Variants in HDAC1 observed in about 807,000 individuals in gnomAD.
The protein encoded by HDAC1 is protein deacetylase HDAC1.
HDAC1 carries 18 observed loss-of-function variants against 65.5 expected under a neutral mutation model. The observed-to-expected ratio is 0.27, with a 90% confidence interval of 0.19 to 0.41. The LOEUF is 0.41. Ranked by LOEUF, HDAC1 falls within the 10% of genes least tolerant of loss-of-function variation. HDAC1 has a pLI of 1.00. For synonymous variants in HDAC1, 211 were observed against 227.9 expected (o/e 0.93, Z 0.67); for missense variants, 373 against 625.2 (o/e 0.60, Z 4.30).
At chr1:32,318,991 T>C (rs1305229137) in intron 3 of HDAC1, among the ~76,000 whole-genome samples, 2 of 152,116 alleles carry the variant, frequency 1.3e-5, no homozygotes, top group South Asian at 2.1e-4. Context: ...TGGTGGTACA[T>C]GCCTGTAATT....
chr1:32,315,014 C>T (rs1288241472), intron 2 of HDAC1, among the ~76,000 whole-genome samples: 4 of 152,082 alleles, frequency 2.6e-5, no homozygotes, highest in Non-Finnish European at 4.4e-5. Flanking sequence ...TGCCTATAGT[C>T]ACAATTTCCA....
intron 2 of HDAC1, among the ~76,000 whole-genome samples, chr1:32,305,176 A>T (rs1361345219): frequency 6.6e-6 from 1 of 152,146 alleles, no homozygotes; most frequent in East Asian, 1.9e-4. Flanking sequence ...ACCCATGTTG[A>T]TACCTGTAGC....
intron 12 of HDAC1, 54 bp from the exon 13 acceptor site, chr1:32,332,647 A>G: frequency 3.7e-6 from 5 of 1,337,190 alleles, no homozygotes; most frequent in Non-Finnish European, 5.3e-6. Context: ...TGAAGACCTC[A>G]TGGGTCTTCC....
intron 2 of HDAC1, among the ~76,000 whole-genome samples, chr1:32,312,766 C>G (rs1391724600): frequency 6.6e-6 from 1 of 152,106 alleles, no homozygotes; most frequent in Non-Finnish European, 1.5e-5. Flanking sequence ...ACCTCTGCCT[C>G]CTAAGTTCAA....
At chr1:32,309,289 A>G (rs1374263882) in intron 2 of HDAC1, among the ~76,000 whole-genome samples, 1 of 151,158 alleles carries the variant, frequency 6.6e-6, no homozygotes, top group Non-Finnish European at 1.5e-5. Flanking sequence ...CAGGCTTCTC[A>G]GGGTAGCATT....
intron 2 of HDAC1, among the ~76,000 whole-genome samples, chr1:32,306,479 C>T (rs958586102): frequency 7.2e-5 from 11 of 152,108 alleles, no homozygotes; most frequent in African/African-American, 2.4e-4. Flanking sequence ...CTTTTAGAGA[C>T]AGGGTTTTAC....
rs1382254724 is a variant in HDAC1 at position 32,330,996 on chromosome 1, A to G, written c.979+88A>G. On this transcript the variant is annotated intron_variant, in intron 9 of 13. Coordinates refer to ENST00000373548, the MANE Select transcript of HDAC1 (RefSeq NM_004964.3). The surrounding 1 kb of genome is among the most constrained non-coding windows in gnomAD (Gnocchi z 4.2). ...GTTTATAACCCCTTCCCCGTTGGTC[A>G]TATGACCGCTCCTCTTCTGATACTA... is the stretch of plus-strand genomic sequence containing the variant. 7 of 1,237,194 alleles carry G rather than the reference A, an allele frequency of 5.7e-6. No homozygotes were observed. Among genetic ancestry groups the G allele is most frequent in the South Asian group, 1.3e-5 (1 of 78,772 alleles). The allele number at this position is 1,237,194 out of a possible 1,614,324, so 76.6% of individuals were successfully genotyped here.
intron 2 of HDAC1, among the ~76,000 whole-genome samples, chr1:32,313,184 C>T (rs1641013561): frequency 6.6e-6 from 1 of 151,722 alleles, no homozygotes; most frequent in African/African-American, 2.4e-5. Flanking sequence ...CAGCCTCTGC[C>T]TCCGAGTTCA....
Position 32,329,210 on chromosome 1 carries a change from G to A in HDAC1, c.729+50G>A, listed in dbSNP as rs969392350. ...GGCTACAAACAGGGGATTGGTTGGC[G>A]GTGGAGGGGAGCAAAGCACCCCCAC... On this transcript the variant is annotated intron_variant, in intron 7 of 13. Coordinates refer to ENST00000373548, the MANE Select transcript of HDAC1 (RefSeq NM_004964.3). This position sits in a 1 kb window ranked among gnomAD's most constrained non-coding sequence, Gnocchi z 4.1. The A allele has an allele frequency of 2.7e-6, 3 of 1,125,220 alleles. No homozygotes were observed. The highest frequency in any genetic ancestry group is 4.1e-6 in the Non-Finnish European group (3 of 733,754). The allele number at this position is 1,125,220 out of a possible 1,614,324, so 69.7% of individuals were successfully genotyped here.
At position 32,331,004 on chromosome 1, in the gene HDAC1, GCTC is replaced by G. The variant is rs1474616982; in HGVS notation, c.979+100_979+102del. 1.8e-6 allele frequency: 2 copies of G among 1,105,760 alleles called. No individual in the cohort carries two copies. The highest frequency in any genetic ancestry group is 1.5e-5 in the African/African-American group (1 of 64,848). The allele number at this position is 1,105,760 out of a possible 1,614,324, so 68.5% of individuals were successfully genotyped here. A position where few individuals can be genotyped will look rare whatever the true frequency, so the allele number is the denominator to read the frequency against. On this transcript the variant is annotated intron_variant, in intron 9 of 13. Transcript: ENST00000373548. The surrounding 1 kb of genome is among the most constrained non-coding windows in gnomAD (Gnocchi z 4.2). ...CCCCTTCCCCGTTGGTCATATGACC[GCTC>G]CTCTTCTGATACTAGTCACTGAGTC...
At chr1:32,292,548 C>T in intron 1 of HDAC1, 4 of 541,468 alleles carry the variant, frequency 7.4e-6, no homozygotes, top group Non-Finnish European at 9.4e-6. Flanking sequence ...GAGACGGCTG[C>T]AAGGATACAT....
At position 32,333,010 on chromosome 1, in the gene HDAC1, T is replaced by C; in HGVS notation, c.1422-7T>C. The C allele has an allele frequency of 1.2e-6, 2 of 1,613,654 alleles. No individual in the cohort carries two copies. Among genetic ancestry groups the C allele is most frequent in the Admixed American group, 1.7e-5 (1 of 59,990 alleles). On this transcript the variant is annotated splice_polypyrimidine_tract_variant and splice_region_variant and intron_variant, in intron 13 of 13. Coordinates refer to ENST00000373548, the MANE Select transcript of HDAC1 (RefSeq NM_004964.3). Reference sequence around the variant, plus strand: ...TCATCTCATGCCAGTCTCTGCTCTCTCCACAGGGTCAAGGAGGAGGTCAAG... The same window carrying C: ...TCATCTCATGCCAGTCTCTGCTCTCCCCACAGGGTCAAGGAGGAGGTCAAG...
chr1:32,316,035 C>A (rs762379107), intron 2 of HDAC1, among the ~76,000 whole-genome samples: 1 of 151,722 alleles, frequency 6.6e-6, no homozygotes, highest in Non-Finnish European at 1.5e-5. Flanking sequence ...GTAATCTCAG[C>A]ACTTTGGAAG....
chr1:32,327,862 A>C lies in HDAC1; in HGVS notation c.636+185A>C, dbSNP rs376932357. 8 of 637,316 alleles carry C rather than the reference A, an allele frequency of 1.3e-5. No individual in the cohort carries two copies. Among genetic ancestry groups the C allele is most frequent in the Non-Finnish European group, 2.0e-5 (7 of 352,228 alleles). 39.5% of individuals were successfully genotyped at this position (637,316 alleles called of 1,614,324 possible). On this transcript the variant is annotated intron_variant, in intron 6 of 13. Transcript: ENST00000373548. This position sits in a 1 kb window ranked among gnomAD's most constrained non-coding sequence, Gnocchi z 6.0. ...TTCTGGAGGAAGGGAATGATGGGAC[A>C]TAAAGGGCCAGAGAAAGAAGAGGGG...
intron 2 of HDAC1, 62 bp from the exon 3 acceptor site, chr1:32,316,603 C>A: frequency 1.1e-6 from 1 of 890,034 alleles, no homozygotes; most frequent in Admixed American, 1.8e-5. Flanking sequence ...AATATTCAAA[C>A]TAGATTGACT....
chr1:32,306,993 C>T (rs1406300836), intron 2 of HDAC1, among the ~76,000 whole-genome samples: 4 of 152,148 alleles, frequency 2.6e-5, no homozygotes, highest in Non-Finnish European at 5.9e-5. Flanking sequence ...TGTCTGTAAT[C>T]CCAGCACTTT....
chr1:32,313,077 TTTTATTTTA>T (rs1486671454), intron 2 of HDAC1, among the ~76,000 whole-genome samples: 1 of 148,564 alleles, frequency 6.7e-6, no homozygotes, highest in Non-Finnish European at 1.5e-5. Flanking sequence ...CAATAACTTA[TTTTATTTTA>T]TTTATTTATT....
chr1:32,333,365 C>T lies in HDAC1; in HGVS notation c.*321C>T. 1 of 204,572 alleles carries T rather than the reference C, an allele frequency of 4.9e-6. No individual in the cohort carries two copies. The highest frequency in any genetic ancestry group is 5.4e-5 in the Admixed American group (1 of 18,652). The allele number at this position is 204,572 out of a possible 1,614,324, so 12.7% of individuals were successfully genotyped here. A position where few individuals can be genotyped will look rare whatever the true frequency, so the allele number is the denominator to read the frequency against. On this transcript the variant is annotated 3_prime_UTR_variant, in exon 14 of 14. Transcript: ENST00000373548. Reference sequence around the variant, plus strand: ...CCTGCTTAGTAGCTTTGGAAAGGTGCCCTTATTGAACATTCTAGAAGGGGT... The same window carrying T: ...CCTGCTTAGTAGCTTTGGAAAGGTGTCCTTATTGAACATTCTAGAAGGGGT...
At chr1:32,292,727 A>G (rs2124392199) in intron 1 of HDAC1, among the ~76,000 whole-genome samples, 1 of 152,014 alleles carries the variant, frequency 6.6e-6, no homozygotes, top group African/African-American at 2.4e-5. Flanking sequence ...GAAGGATGCA[A>G]CCTGTTAAAA....
Sources: gnomAD v4.1 joint callset for allele counts (sites outside exome capture counted in the v4.1 genomes callset) on GRCh38, gnomAD v4.1.1 for gene constraint, Gnocchi (gnomAD v3.1) non-coding constraint, MANE v1.5 for transcripts, NCBI Gene and HGNC (gene_info 2026-07-23, HGNC 2026-07-21) for gene names.